PDE9A: variants seen among roughly 807,000 people sequenced by gnomAD.
The protein encoded by PDE9A is high affinity cGMP-specific 3',5'-cyclic phosphodiesterase 9A.
PDE9A carries 60 observed loss-of-function variants against 87.4 expected under a neutral mutation model. The ratio of observed to expected loss-of-function variants is 0.69; its 90% CI spans 0.56 to 0.85. PDE9A has a LOEUF of 0.85. PDE9A is among the 40% of genes least tolerant of loss of function. The probability of loss-of-function intolerance (pLI) is 0.00; values close to 1 mark genes in which losing one functional copy is unlikely to be tolerated. For missense variants in PDE9A, 665 were observed against 779.0 expected (o/e 0.85, Z 1.74); for synonymous variants, 272 against 279.4 (o/e 0.97, Z 0.27).
At chr21:42,735,465 C>T (rs1424824663) in intron 7 of PDE9A, among the ~76,000 whole-genome samples, 1 of 152,206 alleles carries the variant, frequency 6.6e-6, no homozygotes, top group African/African-American at 2.4e-5. Flanking sequence ...GCTCTGCAGG[C>T]CAGAAGTCAG....
At chr21:42,721,020 G>A (rs1424029995) in intron 4 of PDE9A, among the ~76,000 whole-genome samples, 4 of 151,552 alleles carry the variant, frequency 2.6e-5, no homozygotes, top group South Asian at 2.1e-4. Context: ...AAAAAAAGAA[G>A]GATAGAGCTA....
intron 1 of PDE9A, among the ~76,000 whole-genome samples, chr21:42,676,015 T>C (rs1190920160): frequency 6.6e-6 from 1 of 152,168 alleles, no homozygotes; most frequent in East Asian, 1.9e-4. Context: ...TGGTTGTTTA[T>C]GTGTGAAGGT....
chr21:42,763,457 T>C (rs35167576), intron 14 of PDE9A, among the ~76,000 whole-genome samples: 12,722 of 152,220 alleles, frequency 0.084, 786 homozygotes, highest in African/African-American at 0.18. Flanking sequence ...ATTTGAGTGA[T>C]GCAGCCCCAA....
chr21:42,718,325 G>A (rs1438268584), intron 4 of PDE9A, among the ~76,000 whole-genome samples: 2 of 151,694 alleles, frequency 1.3e-5, no homozygotes, highest in African/African-American at 2.4e-5. Context: ...AGCTTCCATG[G>A]ACTATGAATT....
At chr21:42,684,326 GAAGT>G (rs1222544961) in intron 1 of PDE9A, among the ~76,000 whole-genome samples, 8 of 152,300 alleles carry the variant, frequency 5.3e-5, no homozygotes, top group Non-Finnish European at 8.8e-5. Flanking sequence ...ACACCGGAAG[GAAGT>G]GAGTTACACA....
At chr21:42,758,677 ACT>A in intron 10 of PDE9A, 2 of 307,520 alleles carry the variant, frequency 6.5e-6, no homozygotes, top group Middle Eastern at 9.4e-4. Context: ...GAACGGGTGC[ACT>A]CTCTCACCCG....
chr21:42,728,227 T>C (rs934095258), intron 4 of PDE9A, among the ~76,000 whole-genome samples: 4 of 152,216 alleles, frequency 2.6e-5, no homozygotes, highest in Non-Finnish European at 5.9e-5. Flanking sequence ...TATACCATCT[T>C]ATATAAGGAA....
At chr21:42,768,995 T>A (rs368789175) in intron 16 of PDE9A, 32 bp from the exon 17 acceptor site, 2 of 1,588,524 alleles carry the variant, frequency 1.3e-6, no homozygotes, top group African/African-American at 2.7e-5. Flanking sequence ...CATTTCTGTC[T>A]CTAATGTCAC....
chr21:42,762,355 G>T, intron 14 of PDE9A, 116 bp downstream of exon 14: 1 of 1,091,112 alleles, frequency 9.2e-7, no homozygotes, highest in South Asian at 1.6e-5. Context: ...GTGCCCTGGG[G>T]ACCCAAGGGA....
Position 42,695,213 on chromosome 21 carries a change from C to T in PDE9A, c.219-3755C>T, listed in dbSNP as rs949277168. ...AATAATTGATGACTAAACAACCTAA[C>T]GACCAACAAATATAAAAAGTCATAG... is the stretch of plus-strand genomic sequence containing the variant. On this transcript the variant is annotated intron_variant, in intron 3 of 19. Transcript: ENST00000291539. The surrounding 1 kb of genome is among the most constrained non-coding windows in gnomAD (Gnocchi z 4.3). Among the ~76,000 whole-genome samples the T allele has an allele frequency of 2.6e-5, 4 of 152,228 alleles. No individual in the cohort carries two copies. The highest frequency in any genetic ancestry group is 4.4e-5 in the Non-Finnish European group (3 of 68,040).
In PDE9A at chr21:42,714,874, C is replaced by G. The variant is rs376946090; in HGVS notation, c.262+15863C>G. On this transcript the variant is annotated intron_variant, in intron 4 of 19. Transcript: ENST00000291539. ...TATGGTTGGGGTTAGCTCTACCAGTCTTTGTTGATATGGTTGAGGTTAGCT... is the reference window on the plus strand; with the variant it reads ...TATGGTTGGGGTTAGCTCTACCAGTGTTTGTTGATATGGTTGAGGTTAGCT... Among the ~76,000 whole-genome samples the G allele has an allele frequency of 6.3e-5, 9 of 143,210 alleles. 1 individual carries two copies. Among genetic ancestry groups the G allele is most frequent in the African/African-American group, 7.7e-5 (3 of 38,730 alleles). 94.0% of individuals were successfully genotyped at this position (143,210 alleles called of 152,430 possible).
intron 1 of PDE9A, among the ~76,000 whole-genome samples, chr21:42,672,744 T>C (rs1008360805): frequency 1.3e-5 from 2 of 152,236 alleles, no homozygotes; most frequent in Non-Finnish European, 2.9e-5. Context: ...TTGATCTTAT[T>C]AACGCATATG....
intron 1 of PDE9A, among the ~76,000 whole-genome samples, chr21:42,685,465 G>GTTTTTTTTTT (rs1555908731): frequency 4.6e-5 from 4 of 87,780 alleles, no homozygotes; most frequent in East Asian, 3.4e-4. Flanking sequence ...CCGAAAGGCA[G>GTTTTTTTTTT]TCTTTTTTTT....
chr21:42,737,521 G>A (rs372836636), intron 7 of PDE9A, among the ~76,000 whole-genome samples: 1 of 152,164 alleles, frequency 6.6e-6, no homozygotes, highest in African/African-American at 2.4e-5. Context: ...GAGAAGTGGC[G>A]TGATCTTGGC....
chr21:42,708,660 T>G (rs13048587), intron 4 of PDE9A, among the ~76,000 whole-genome samples: 26,294 of 152,198 alleles, frequency 0.17, 2,414 homozygotes, highest in African/African-American at 0.22. Context: ...GTTCAAGCAA[T>G]TATCCTGCCT....
chr21:42,708,346 T>G (rs1441132656), intron 4 of PDE9A, among the ~76,000 whole-genome samples: 3 of 152,146 alleles, frequency 2.0e-5, no homozygotes, highest in African/African-American at 4.8e-5. Flanking sequence ...GGAATGGAAG[T>G]GTCCTGACGG....
chr21:42,659,009 A>C lies in PDE9A; in HGVS notation c.69+5126A>C, dbSNP rs535163911. On this transcript the variant is annotated intron_variant, in intron 1 of 19. Coordinates refer to ENST00000291539, the MANE Select transcript of PDE9A (RefSeq NM_002606.3). The surrounding 1 kb of genome is among the most constrained non-coding windows in gnomAD (Gnocchi z 4.1). ...CCTGAATTGAAGCTGGGCTGTGAAA[A>C]GTAGTAAGAACCCTCGGTTTTTGGT... 2.0e-5 allele frequency among the ~76,000 whole-genome samples: 3 copies of C among 152,236 alleles called. No individual in the cohort carries two copies. The highest frequency in any genetic ancestry group is 4.8e-5 in the African/African-American group (2 of 41,530).
At chr21:42,665,780 CCAGTAA>C (rs1209656178) in intron 1 of PDE9A, among the ~76,000 whole-genome samples, 89 of 152,356 alleles carry the variant, frequency 5.8e-4, no homozygotes, top group African/African-American at 2.1e-3. Context: ...GGCACGAGAA[CCAGTAA>C]CAGTTGTTGA....
intron 4 of PDE9A, among the ~76,000 whole-genome samples, chr21:42,718,782 G>A (rs2146554721): frequency 6.6e-6 from 1 of 151,820 alleles, no homozygotes; most frequent in South Asian, 2.1e-4. Flanking sequence ...TCTGAGGGAT[G>A]ATTTTCTCTT....
Sources: gnomAD v4.1 joint callset for allele counts (sites outside exome capture counted in the v4.1 genomes callset) on GRCh38, gnomAD v4.1.1 for gene constraint, Gnocchi (gnomAD v3.1) non-coding constraint, MANE v1.5 for transcripts, NCBI Gene and HGNC (gene_info 2026-07-23, HGNC 2026-07-21) for gene names.